The following VWA5A variants were observed in gnomAD, a reference collection of about 807,000 sequenced individuals.
VWA5A encodes the protein von Willebrand factor A domain-containing protein 5A.
VWA5A carries 77 observed loss-of-function variants against 84.6 expected under a neutral mutation model. That is an observed-to-expected ratio of 0.91 (90% CI 0.76 to 1.10). VWA5A has a LOEUF of 1.10. Ranked by LOEUF, VWA5A falls within the 50% of genes least tolerant of loss-of-function variation. VWA5A has a pLI of 0.00. For missense variants in VWA5A, 973 were observed against 963.0 expected (o/e 1.01, Z -0.14); for synonymous variants, 334 against 350.1 (o/e 0.95, Z 0.51).
chr11:124,144,600 A>G (rs575501507), intron 17 of VWA5A, among the ~76,000 whole-genome samples: 2 of 152,348 alleles, frequency 1.3e-5, no homozygotes, highest in East Asian at 3.9e-4. Flanking sequence ...TTTAAAAGTC[A>G]TGATATAAAA....
At chr11:124,127,071 C>A (rs1328462531) in intron 11 of VWA5A, among the ~76,000 whole-genome samples, 3 of 152,126 alleles carry the variant, frequency 2.0e-5, no homozygotes, top group Admixed American at 6.5e-5. Flanking sequence ...GCAGAACATG[C>A]AGGTTTGTTA....
chr11:124,133,919 TG>T (rs1203231118), intron 11 of VWA5A, among the ~76,000 whole-genome samples: 5 of 152,232 alleles, frequency 3.3e-5, no homozygotes, highest in African/African-American at 1.2e-4. Context: ...TGTTGTTGTT[TG>T]ATTGTTTAGA....
At position 124,124,354 on chromosome 11, in the gene VWA5A, A is replaced by T. The variant is rs116180910; in HGVS notation, c.1244+38A>T. 151 of 1,608,588 alleles carry T rather than the reference A, an allele frequency of 9.4e-5. No homozygotes were observed. In the African/African-American group the frequency reaches 1.7e-3, roughly 18 times the overall value. ...TGTGATTTCCGGGTGATTGGTGCTG[A>T]GTAGTGACACACAGACTCTAGTGCT... On this transcript the variant is annotated intron_variant, in intron 11 of 18. Transcript: ENST00000456829.
chr11:124,130,328 C>T (rs1349917709), intron 11 of VWA5A, among the ~76,000 whole-genome samples: 1 of 152,120 alleles, frequency 6.6e-6, no homozygotes, highest in Non-Finnish European at 1.5e-5. Context: ...TTTGATTGCA[C>T]CGTGGTCTGA....
At chr11:124,143,347 T>G (rs1565292213) in intron 17 of VWA5A, among the ~76,000 whole-genome samples, 1 of 152,206 alleles carries the variant, frequency 6.6e-6, no homozygotes, top group Non-Finnish European at 1.5e-5. Flanking sequence ...CAAATATCAT[T>G]CTAAACTTTC....
intron 11 of VWA5A, among the ~76,000 whole-genome samples, chr11:124,130,232 A>G (rs1326279693): frequency 1.3e-5 from 2 of 152,168 alleles, no homozygotes; most frequent in Admixed American, 6.5e-5. Context: ...TAACTTTGTT[A>G]TTTACCCAGT....
intron 11 of VWA5A, among the ~76,000 whole-genome samples, chr11:124,129,708 G>A (rs1591361112): frequency 1.3e-5 from 2 of 152,020 alleles, no homozygotes; most frequent in South Asian, 2.1e-4. Flanking sequence ...TTAGTCTTGG[G>A]GTGGGGGGTG....
intron 7 of VWA5A, among the ~76,000 whole-genome samples, chr11:124,121,485 A>ATTT (rs143996169): frequency 6.7e-6 from 1 of 149,458 alleles, no homozygotes; most frequent in Non-Finnish European, 1.5e-5. Context: ...TTATTTTGTG[A>ATTT]TTTTTTTTTT....
chr11:124,117,362 T>C, intron 2 of VWA5A, 135 bp from the exon 3 acceptor site: 1 of 854,330 alleles, frequency 1.2e-6, no homozygotes, highest in Non-Finnish European at 1.9e-6. Flanking sequence ...TCCTTTTTTT[T>C]AAAGGTTCCA....
rs1407838023 is a variant in VWA5A at position 124,146,488 on chromosome 11, T to G, written c.*543T>G. 6.5e-6 allele frequency: 1 copy of G among 152,902 alleles called. No individual in the cohort carries two copies. Among genetic ancestry groups the G allele is most frequent in the African/African-American group, 2.4e-5 (1 of 41,464 alleles). 9.5% of individuals were successfully genotyped at this position (152,902 alleles called of 1,614,324 possible). On this transcript the variant is annotated 3_prime_UTR_variant, in exon 19 of 19. Coordinates refer to ENST00000456829, the MANE Select transcript of VWA5A (RefSeq NM_001130142.2). ...GGGTCCACTGTGAGAGGTGACACTGTTGGGGACCTTCCTGATTCATTCTTC... is the reference window on the plus strand; with the variant it reads ...GGGTCCACTGTGAGAGGTGACACTGGTGGGGACCTTCCTGATTCATTCTTC...
chr11:124,134,248 A>G (rs750042914), intron 11 of VWA5A, among the ~76,000 whole-genome samples: 6 of 152,202 alleles, frequency 3.9e-5, no homozygotes, highest in Admixed American at 6.5e-5. Context: ...CTTGGGGATG[A>G]TGGCTCACAC....
chr11:124,142,189 C>T (rs899594648), intron 16 of VWA5A, among the ~76,000 whole-genome samples: 1 of 152,194 alleles, frequency 6.6e-6, no homozygotes, highest in Non-Finnish European at 1.5e-5. Flanking sequence ...CATCTCAGCT[C>T]ACACAGCTTG....
chr11:124,137,326 C>G, intron 15 of VWA5A, 58 bp downstream of exon 15: 1 of 1,563,482 alleles, frequency 6.4e-7, no homozygotes, highest in Non-Finnish European at 8.7e-7. Context: ...ACTATCTGAG[C>G]ACATTATTTA....
At chr11:124,115,517 C>T (rs1249458884) in intron 1 of VWA5A, 35 bp downstream of exon 1, 1 of 152,146 alleles carries the variant, frequency 6.6e-6, no homozygotes. Context: ...GGGCCTGGAT[C>T]CAACCCCTGC....
At chr11:124,140,163 T>A (rs1379572838) in intron 15 of VWA5A, among the ~76,000 whole-genome samples, 1 of 152,232 alleles carries the variant, frequency 6.6e-6, no homozygotes, top group Non-Finnish European at 1.5e-5. Context: ...ATGATCATTT[T>A]AACGTACTTC....
chr11:124,127,776 G>A (rs553920647), intron 11 of VWA5A, among the ~76,000 whole-genome samples: 1 of 152,290 alleles, frequency 6.6e-6, no homozygotes, highest in East Asian at 1.9e-4. Flanking sequence ...GTGATGAGGA[G>A]CTTTTTTTCA....
At position 124,118,253 on chromosome 11, in the gene VWA5A, G is replaced by A. The variant is rs548185595; in HGVS notation, c.311G>A (p.Ser104Asn). Reference sequence around the variant, plus strand: ...CAGGCCTTCTTATTGGAGGGGGACAGCAGCTCCAGGGATGTCTTCTCTTGC... The same window carrying A: ...CAGGCCTTCTTATTGGAGGGGGACAACAGCTCCAGGGATGTCTTCTCTTGC... ...GHQAFLLEGD[S>N]SSRDVFSCNV... The change falls in exon 5 of 19, where the codon AGC becomes AAC. Residue 104 changes from serine (S) to asparagine (N), a missense_variant. Transcript: ENST00000456829. 134 of 1,614,202 alleles carry A rather than the reference G, an allele frequency of 8.3e-5. No homozygotes were observed. The South Asian group carries it at 1.3e-3, about 15-fold the overall frequency.
intron 11 of VWA5A, among the ~76,000 whole-genome samples, chr11:124,129,103 T>G (rs1865060904): frequency 6.6e-6 from 1 of 152,240 alleles, no homozygotes; most frequent in Admixed American, 6.5e-5. Flanking sequence ...TTCAGTGTGA[T>G]ATTGGCTGTG....
Position 124,141,587 on chromosome 11 carries a change from G to T in VWA5A, c.1880-11G>T, listed in dbSNP as rs371598139. The stretch of plus-strand genomic sequence containing the variant: ...GGGAGTGCCACTGTCTTAATGTTTG[G>T]ATTTTTTCAGGTTTTCGAAAGGCCT... On this transcript the variant is annotated splice_polypyrimidine_tract_variant and intron_variant, in intron 15 of 18. Coordinates refer to ENST00000456829, the MANE Select transcript of VWA5A (RefSeq NM_001130142.2). 1.9e-5 allele frequency: 31 copies of T among 1,613,748 alleles called. No individual in the cohort carries two copies. The African/African-American group carries it at 3.1e-4, about 16-fold the overall frequency.
Sources: gnomAD v4.1 joint callset for allele counts (sites outside exome capture counted in the v4.1 genomes callset) on GRCh38, gnomAD v4.1.1 for gene constraint, MANE v1.5 for transcripts, NCBI Gene and HGNC (gene_info 2026-07-23, HGNC 2026-07-21) for gene names.